Variants in MSH3 observed in about 807,000 individuals in gnomAD.
MSH3 encodes the protein mutS homolog 3.
A neutral mutation model predicts 123.3 loss-of-function variants in MSH3; 106 were observed. That is an observed-to-expected ratio of 0.86 (90% CI 0.73 to 1.01). The LOEUF (loss-of-function observed/expected upper bound fraction) is 1.01, where lower values mean the gene tolerates loss of function less well. Ranked by LOEUF, MSH3 falls within the 50% of genes least tolerant of loss-of-function variation. The pLI is 0.00. For synonymous variants in MSH3, 515 were observed against 481.4 expected, an observed-to-expected ratio of 1.07 and a Z score of -0.91; for missense variants, 1,459 against 1,347.6, an observed-to-expected ratio of 1.08 and a Z score of -1.29.
At chr5:80,694,275 G>A (rs1269205792) in intron 8 of MSH3, among the ~76,000 whole-genome samples, 1 of 152,016 alleles carries the variant, frequency 6.6e-6, no homozygotes, top group East Asian at 1.9e-4. Context: ...TACACAAAAA[G>A]CACAAATCAA....
At chr5:80,820,166 AGGCT>A (rs1287139051) in intron 20 of MSH3, among the ~76,000 whole-genome samples, 5 of 152,236 alleles carry the variant, frequency 3.3e-5, no homozygotes, top group African/African-American at 1.2e-4. Context: ...GCCATGACTG[AGGCT>A]TAAAACATCA....
At chr5:80,772,216 G>T (rs1008987473) in intron 15 of MSH3, among the ~76,000 whole-genome samples, 3 of 152,088 alleles carry the variant, frequency 2.0e-5, no homozygotes, top group Non-Finnish European at 4.4e-5. Flanking sequence ...TTTAGAAAGG[G>T]TTTTATTAAT....
At chr5:80,709,784 G>C (rs1309494039) in intron 8 of MSH3, among the ~76,000 whole-genome samples, 1 of 149,110 alleles carries the variant, frequency 6.7e-6, no homozygotes, top group Non-Finnish European at 1.5e-5. Flanking sequence ...CTTGTATTTT[G>C]TGAAATGAAA....
chr5:80,687,902 A>G (rs1193435915), intron 8 of MSH3, among the ~76,000 whole-genome samples: 1 of 152,200 alleles, frequency 6.6e-6, no homozygotes, highest in Non-Finnish European at 1.5e-5. Context: ...AATCAGATCA[A>G]GGAGCTTAGA....
At chr5:80,756,164 A>G (rs1175311856) in intron 12 of MSH3, among the ~76,000 whole-genome samples, 2 of 152,154 alleles carry the variant, frequency 1.3e-5, no homozygotes, top group African/African-American at 4.8e-5. Flanking sequence ...TGTAACCAAA[A>G]ACCATTTCTG....
chr5:80,735,381 CAAAA>C (rs58588808), intron 10 of MSH3, among the ~76,000 whole-genome samples: 1 of 59,598 alleles, frequency 1.7e-5, no homozygotes. Flanking sequence ...GACTTCATCT[CAAAA>C]AAAAAAAAAA....
Position 80,846,884 on chromosome 5 carries a change from G to A in MSH3, c.2814-7246G>A, listed in dbSNP as rs908424794. Among the ~76,000 whole-genome samples, 21 of 152,274 alleles carry A rather than the reference G, an allele frequency of 1.4e-4. 1 individual carries two copies. The highest frequency in any genetic ancestry group is 3.4e-3 in the Middle Eastern group (1 of 294). ...CCTTGCACTTCCCAGGTGAGGCAAC[G>A]CCCTGCCCTGTTTCAGCTCACCGTC... On this transcript the variant is annotated intron_variant, in intron 20 of 23. Transcript: ENST00000265081.
At chr5:80,809,432 ATACTC>A (rs1296665633) in intron 19 of MSH3, among the ~76,000 whole-genome samples, 3 of 152,226 alleles carry the variant, frequency 2.0e-5, no homozygotes, top group Non-Finnish European at 4.4e-5. Context: ...ATAAGTATAA[ATACTC>A]TTATCTTTCA....
rs1237471725 is a variant in MSH3 at position 80,768,004 on chromosome 5, A to G, written c.1968A>G (p.Ile656Met). 2.5e-6 allele frequency: 4 copies of G among 1,613,370 alleles called. No homozygotes were observed. In the African/African-American group the frequency reaches 5.3e-5, roughly 22 times the overall value. ...YHLKSEFQAI[I>M]PAVNSHIQSD... ...TAAAGTCAGAATTTCAAGCAATAAT[A>G]CCTGCTGTTAATTCCCACATTCAGT... Residue 656 changes from isoleucine (I) to methionine (M), a missense_variant, in exon 14 of 24, where the codon ATA (isoleucine) becomes ATG (methionine). Ile to Met is a conservative substitution (Grantham distance 10). Transcript: ENST00000265081.
intron 8 of MSH3, among the ~76,000 whole-genome samples, chr5:80,688,390 T>A (rs1750140957): frequency 6.6e-6 from 1 of 152,216 alleles, no homozygotes; most frequent in African/African-American, 2.4e-5. Flanking sequence ...TCATCTGAGG[T>A]TTAACCAAAA....
At chr5:80,659,820 A>G (rs1200235864) in intron 2 of MSH3, among the ~76,000 whole-genome samples, 2 of 152,080 alleles carry the variant, frequency 1.3e-5, no homozygotes, top group Non-Finnish European at 2.9e-5. Flanking sequence ...GGCGCCTACC[A>G]TTCAGCTTTC....
chr5:80,662,157 T>G (rs1749449612), intron 2 of MSH3, among the ~76,000 whole-genome samples: 1 of 152,194 alleles, frequency 6.6e-6, no homozygotes, highest in African/African-American at 2.4e-5. Flanking sequence ...CACAGATACT[T>G]ACCATTGTGT....
At position 80,654,697 on chromosome 5, in the gene MSH3, C is replaced by T. The variant is rs1289740273; in HGVS notation, c.-31C>T. 1.3e-6 allele frequency: 2 copies of T among 1,573,964 alleles called. No individual in the cohort carries two copies. Among genetic ancestry groups the T allele is most frequent in the Admixed American group, 1.7e-5 (1 of 57,260 alleles). On this transcript the variant is annotated 5_prime_UTR_variant, in exon 1 of 24. Coordinates refer to ENST00000265081, the MANE Select transcript of MSH3 (RefSeq NM_002439.5). Reference sequence around the variant, plus strand: ...CGCGGGCTCGCGCTCCTCGCCAGGCCCTGCCGCCGGGCTGCCATCCTTGCC... The same window carrying T: ...CGCGGGCTCGCGCTCCTCGCCAGGCTCTGCCGCCGGGCTGCCATCCTTGCC...
intron 13 of MSH3, among the ~76,000 whole-genome samples, chr5:80,766,165 A>G (rs964567039): frequency 1.3e-5 from 2 of 152,086 alleles, no homozygotes; most frequent in East Asian, 1.9e-4. Context: ...GGCAGAATCC[A>G]TATTGGTACA....
intron 20 of MSH3, among the ~76,000 whole-genome samples, chr5:80,824,650 C>A (rs1317264484): frequency 1.3e-5 from 2 of 152,148 alleles, no homozygotes; most frequent in Non-Finnish European, 2.9e-5. Flanking sequence ...TGAAGTGAAA[C>A]AAAAACACCC....
In MSH3 at chr5:80,778,767, A is replaced by G. The variant is rs10067975; in HGVS notation, c.2366A>G (p.Tyr789Cys). 1.4e-5 allele frequency: 22 copies of G among 1,613,392 alleles called. No homozygotes were observed. The highest frequency in any genetic ancestry group is 1.8e-5 in the Non-Finnish European group (21 of 1,179,412). ...RFHSPFIVENYRHLNQLREQL... is the reference protein window; with the variant it reads ...RFHSPFIVENCRHLNQLREQL... ...CACTCTCCTTTTATTGTAGAAAATT[A>G]CAGACATCTGAATCAGCTCCGGGAG... The change falls in exon 17 of 24, where the codon TAC becomes TGC. Residue 789 changes from tyrosine to cysteine, a missense_variant. Transcript: ENST00000265081.
At chr5:80,843,546 G>T (rs1745664648) in intron 20 of MSH3, among the ~76,000 whole-genome samples, 1 of 152,102 alleles carries the variant, frequency 6.6e-6, no homozygotes, top group Non-Finnish European at 1.5e-5. Context: ...GACTTTTTTT[G>T]GTTGGTGGGC....
At chr5:80,852,411 C>T (rs1163254259) in intron 20 of MSH3, among the ~76,000 whole-genome samples, 2 of 152,134 alleles carry the variant, frequency 1.3e-5, no homozygotes, top group African/African-American at 4.8e-5. Context: ...CAAAATATTT[C>T]CCTCATCAGA....
At chr5:80,785,357 T>G (rs1401364741) in intron 17 of MSH3, among the ~76,000 whole-genome samples, 1 of 152,072 alleles carries the variant, frequency 6.6e-6, no homozygotes, top group East Asian at 1.9e-4. Context: ...CATGAAAAAA[T>G]GCTCACCATC....
Sources: gnomAD v4.1 joint callset for allele counts (sites outside exome capture counted in the v4.1 genomes callset) on GRCh38, gnomAD v4.1.1 for gene constraint, MANE v1.5 for transcripts, NCBI Gene and HGNC (gene_info 2026-07-23, HGNC 2026-07-21) for gene names.